The following FAM169A variants were observed in gnomAD, a reference collection of about 807,000 sequenced individuals.
FAM169A encodes the protein soluble lamin-associated protein of 75 kDa.
FAM169A carries 24 observed loss-of-function variants against 75.7 expected under a neutral mutation model. The observed-to-expected ratio is 0.32, with a 90% CI of 0.23 to 0.45. The LOEUF (loss-of-function observed/expected upper bound fraction) is 0.45, where lower values mean the gene tolerates loss of function less well. Among genes scored for constraint, FAM169A ranks in the 20% least tolerant of loss-of-function variants. The pLI is 1.00. For synonymous variants in FAM169A, 271 were observed against 271.0 expected (o/e 1.00, Z 0.00); for missense variants, 673 against 784.0 (o/e 0.86, Z 1.69).
At position 74,798,707 on chromosome 5, in the gene FAM169A, G is replaced by A. The variant is rs557265591; in HGVS notation, c.1103+2173C>T. Among the ~76,000 whole-genome samples, 3 of 152,292 alleles carry A rather than the reference G, an allele frequency of 2.0e-5. No individual in the cohort carries two copies. In the South Asian group the frequency reaches 6.2e-4, roughly 32 times the overall value. ...AAATCTTATTTTATTATAAAAGTTA[G>A]AGTCTTGCTTTAAGATTCAAAGAAA... On this transcript the variant is annotated intron_variant, in intron 10 of 12. Coordinates refer to ENST00000687041, the MANE Select transcript of FAM169A (RefSeq NM_001376049.1).
intron 1 of FAM169A, among the ~76,000 whole-genome samples, chr5:74,854,023 T>C (rs1338905813): frequency 1.3e-5 from 2 of 152,136 alleles, no homozygotes; most frequent in African/African-American, 2.4e-5. Flanking sequence ...TGTGGGTACC[T>C]AGCAGTGTAT....
intron 8 of FAM169A, among the ~76,000 whole-genome samples, chr5:74,803,843 T>C (rs1746714729): frequency 6.6e-6 from 1 of 152,182 alleles, no homozygotes; most frequent in Non-Finnish European, 1.5e-5. Context: ...TTCATAGTCT[T>C]TCACCTACTA....
chr5:74,855,699 T>C (rs1246412566), intron 1 of FAM169A, among the ~76,000 whole-genome samples: 1 of 152,240 alleles, frequency 6.6e-6, no homozygotes, highest in Non-Finnish European at 1.5e-5. Flanking sequence ...CCTTGTCAGA[T>C]AGACAGTTTG....
chr5:74,828,728 T>C (rs577666564), intron 5 of FAM169A, among the ~76,000 whole-genome samples: 1 of 152,344 alleles, frequency 6.6e-6, no homozygotes, highest in African/African-American at 2.4e-5. Flanking sequence ...AATCTACCCT[T>C]TTCCCAGATT....
rs534374946 is a variant in FAM169A at position 74,849,527 on chromosome 5, C to A, written c.-3-7848G>T. ...AAAAAAATAATTATCTCAACCAATC[C>A]AATTCATGATCCTAACTCTCACAAT... is the stretch of plus-strand genomic sequence containing the variant. On this transcript the variant is annotated intron_variant, in intron 1 of 12. Transcript: ENST00000687041. Among the ~76,000 whole-genome samples, 8 of 152,128 alleles carry A rather than the reference C, an allele frequency of 5.3e-5. No homozygotes were observed. The East Asian group carries it at 1.4e-3, about 26-fold the overall frequency.
At chr5:74,798,007 G>A (rs1746367025) in intron 10 of FAM169A, among the ~76,000 whole-genome samples, 1 of 152,202 alleles carries the variant, frequency 6.6e-6, no homozygotes, top group African/African-American at 2.4e-5. Flanking sequence ...TTGGCCTACA[G>A]GCCATAGTTG....
chr5:74,782,828 T>A, intron 12 of FAM169A, 103 bp downstream of exon 12: 1 of 699,628 alleles, frequency 1.4e-6, no homozygotes, highest in Non-Finnish European at 2.4e-6. Context: ...CCTAAAGCAC[T>A]GTACATGTAA....
chr5:74,855,751 T>C (rs1385244939), intron 1 of FAM169A, among the ~76,000 whole-genome samples: 1 of 152,226 alleles, frequency 6.6e-6, no homozygotes, highest in Non-Finnish European at 1.5e-5. Flanking sequence ...CTTCACTTTG[T>C]TGTTTCCTTT....
At chr5:74,788,659 C>T (rs1745817380) in intron 11 of FAM169A, among the ~76,000 whole-genome samples, 1 of 151,242 alleles carries the variant, frequency 6.6e-6, no homozygotes, top group Non-Finnish European at 1.5e-5. Context: ...GAGCCAAGAT[C>T]GTGCCATTGC....
intron 5 of FAM169A, among the ~76,000 whole-genome samples, chr5:74,824,023 G>A (rs567880252): frequency 1.3e-5 from 2 of 152,216 alleles, no homozygotes; most frequent in South Asian, 4.1e-4. Flanking sequence ...CCTAGTAAAA[G>A]GTCTGGAAGC....
intron 8 of FAM169A, among the ~76,000 whole-genome samples, chr5:74,803,458 A>G (rs1224896958): frequency 1.3e-5 from 2 of 152,150 alleles, no homozygotes; most frequent in South Asian, 2.1e-4. Context: ...CTCTCATGCT[A>G]ATTGAGACAG....
intron 6 of FAM169A, among the ~76,000 whole-genome samples, chr5:74,806,814 A>T (rs1295266456): frequency 6.6e-6 from 1 of 152,226 alleles, no homozygotes; most frequent in East Asian, 1.9e-4. Context: ...TGAATTCAAA[A>T]GACAAAGTTA....
intron 11 of FAM169A, among the ~76,000 whole-genome samples, chr5:74,793,255 T>C (rs536688801): frequency 6.6e-6 from 1 of 150,396 alleles, no homozygotes; most frequent in East Asian, 2.0e-4. Flanking sequence ...AACCAGGGAG[T>C]TGGAGGTTGC....
chr5:74,823,212 T>A (rs911702486), intron 5 of FAM169A, among the ~76,000 whole-genome samples: 1 of 152,186 alleles, frequency 6.6e-6, no homozygotes, highest in Non-Finnish European at 1.5e-5. Flanking sequence ...GGGACCTCCA[T>A]CTTCACTTCT....
At chr5:74,850,266 C>T (rs575096512) in intron 1 of FAM169A, among the ~76,000 whole-genome samples, 4 of 152,290 alleles carry the variant, frequency 2.6e-5, no homozygotes, top group South Asian at 4.1e-4. Flanking sequence ...AGTCGGACTC[C>T]GATGTCTGTT....
intron 10 of FAM169A, among the ~76,000 whole-genome samples, chr5:74,797,334 G>A (rs1420876871): frequency 1.3e-5 from 2 of 152,046 alleles, no homozygotes; most frequent in Non-Finnish European, 2.9e-5. Context: ...GTGCCACCAC[G>A]CCCGGCTAAT....
chr5:74,821,697 C>T (rs73762958), intron 5 of FAM169A, among the ~76,000 whole-genome samples: 3,394 of 152,274 alleles, frequency 0.022, 123 homozygotes, highest in African/African-American at 0.078. Flanking sequence ...TTCAAATTAA[C>T]AGTTACACGT....
At chr5:74,783,251 A>G (rs892435165) in intron 11 of FAM169A, 117 bp from the exon 12 acceptor site, 16 of 667,590 alleles carry the variant, frequency 2.4e-5, no homozygotes, top group African/African-American at 2.1e-4. Flanking sequence ...TCAAATTTAC[A>G]TTATAGGACA....
At chr5:74,866,461 C>G (rs879308982), upstream of FAM169A, 15 of 849,184 alleles carry the variant, frequency 1.8e-5, no homozygotes, top group Non-Finnish European at 2.1e-5. Flanking sequence ...CCCGCCAGCG[C>G]GGAGCGGCCC....
Sources: allele counts gnomAD v4.1 joint callset (sites outside exome capture counted in the v4.1 genomes callset), GRCh38; gene constraint gnomAD v4.1.1; transcripts MANE v1.5; gene names NCBI Gene and HGNC (gene_info 2026-07-23, HGNC 2026-07-21).